SLC6A2: variants seen among roughly 807,000 people sequenced by gnomAD.
The protein encoded by SLC6A2 is sodium-dependent noradrenaline transporter.
SLC6A2 carries 26 observed loss-of-function variants against 71.7 expected under a neutral mutation model. The ratio of observed to expected loss-of-function variants is 0.36; its 90% CI spans 0.27 to 0.50. The LOEUF (loss-of-function observed/expected upper bound fraction) is 0.50, where lower values mean the gene tolerates loss of function less well. SLC6A2 is among the 20% of genes least tolerant of loss of function. The pLI is 0.96. For synonymous variants in SLC6A2, 363 were observed against 337.9 expected, an observed-to-expected ratio of 1.07 and a Z score of -0.82; for missense variants, 581 against 803.9, an observed-to-expected ratio of 0.72 and a Z score of 3.35.
chr16:55,673,175 T>C (rs1024534075), intron 4 of SLC6A2, among the ~76,000 whole-genome samples: 4 of 152,250 alleles, frequency 2.6e-5, no homozygotes, highest in African/African-American at 9.6e-5. Flanking sequence ...GAAATATTGA[T>C]TTGAGTTTGT....
chr16:55,701,758 C>T, intron 13 of SLC6A2, 105 bp from the exon 14 acceptor site: 1 of 822,094 alleles, frequency 1.2e-6, no homozygotes, highest in South Asian at 1.3e-5. Flanking sequence ...CCATGTGGGG[C>T]TGCAGGATCA....
chr16:55,687,901 G>A (rs1274287457), intron 5 of SLC6A2, among the ~76,000 whole-genome samples: 3 of 152,334 alleles, frequency 2.0e-5, no homozygotes, highest in African/African-American at 4.8e-5. Flanking sequence ...TACACCTTCA[G>A]AGAAGGTAAT....
chr16:55,693,620 A>G (rs1163981239), intron 6 of SLC6A2, among the ~76,000 whole-genome samples: 1 of 152,228 alleles, frequency 6.6e-6, no homozygotes, highest in African/African-American at 2.4e-5. Context: ...CCTCCTAGGA[A>G]TGGTCCTCGC....
chr16:55,692,145 A>G, intron 6 of SLC6A2, 93 bp downstream of exon 6: 1 of 1,407,188 alleles, frequency 7.1e-7, no homozygotes, highest in Non-Finnish European at 1.0e-6. Context: ...CAGCTCTGCC[A>G]CAAATGTGCA....
chr16:55,678,518 G>A (rs1402800764), intron 4 of SLC6A2, among the ~76,000 whole-genome samples: 1 of 152,112 alleles, frequency 6.6e-6, no homozygotes, highest in South Asian at 2.1e-4. Context: ...TATCATTCAA[G>A]GGAACAAAAC....
chr16:55,675,679 T>C (rs1965063965), intron 4 of SLC6A2, among the ~76,000 whole-genome samples: 1 of 152,178 alleles, frequency 6.6e-6, no homozygotes, highest in Non-Finnish European at 1.5e-5. Flanking sequence ...GTGGCTAGTG[T>C]GACTGATGAG....
chr16:55,692,118 G>A (rs2142585521), intron 6 of SLC6A2, 66 bp downstream of exon 6: 1 of 1,585,070 alleles, frequency 6.3e-7, no homozygotes, highest in East Asian at 2.2e-5. Context: ...AGAAGGTGAT[G>A]ATGGAAAATC....
intron 4 of SLC6A2, among the ~76,000 whole-genome samples, chr16:55,679,830 C>A (rs1206037986): frequency 6.6e-6 from 1 of 152,168 alleles, no homozygotes; most frequent in Admixed American, 6.5e-5. Flanking sequence ...ACGGGATGGA[C>A]TGTGGAAGGC....
At position 55,692,067 on chromosome 16, in the gene SLC6A2, A is replaced by G; in HGVS notation, c.918+15A>G. 1 of 1,614,050 alleles carries G rather than the reference A, an allele frequency of 6.2e-7. No individual in the cohort carries two copies. The highest frequency in any genetic ancestry group is 8.5e-7 in the Non-Finnish European group (1 of 1,179,970). On this transcript the variant is annotated intron_variant, in intron 6 of 14. Coordinates refer to ENST00000568943, the MANE Select transcript of SLC6A2 (RefSeq NM_001172501.3). Reference sequence around the variant, plus strand: ...AAGAGGCCACGGTCAGTGCTCAGTGACCACCAAGCCTTGGGCCAGGCTTGT... The same window carrying G: ...AAGAGGCCACGGTCAGTGCTCAGTGGCCACCAAGCCTTGGGCCAGGCTTGT...
intron 4 of SLC6A2, among the ~76,000 whole-genome samples, chr16:55,678,423 G>A (rs9940208): frequency 0.01 from 1,558 of 152,154 alleles, 24 homozygotes; most frequent in African/African-American, 0.036. Flanking sequence ...CAACCCTGAG[G>A]AAATAGAAAA....
chr16:55,658,793 G>A (rs924593185), intron 2 of SLC6A2, among the ~76,000 whole-genome samples: 2 of 152,160 alleles, frequency 1.3e-5, no homozygotes, highest in Admixed American at 6.5e-5. Context: ...GACTCTGCGG[G>A]CTCAATGTTT....
intron 4 of SLC6A2, among the ~76,000 whole-genome samples, chr16:55,680,798 G>A (rs943648235): frequency 3.9e-5 from 6 of 152,190 alleles, no homozygotes; most frequent in Admixed American, 3.9e-4. Context: ...CCAAGAGACA[G>A]GATTAGCGGG....
intron 4 of SLC6A2, among the ~76,000 whole-genome samples, chr16:55,679,393 A>G (rs1381095782): frequency 6.6e-6 from 1 of 151,734 alleles, no homozygotes; most frequent in East Asian, 1.9e-4. Context: ...CACCCAGCTA[A>G]TTTTTGTATT....
chr16:55,697,650 G>A (rs774667740), intron 9 of SLC6A2, among the ~76,000 whole-genome samples: 28 of 152,320 alleles, frequency 1.8e-4, no homozygotes, highest in South Asian at 2.1e-4. Context: ...TAGCTGTTGC[G>A]TAGGGGAGAC....
chr16:55,679,490 A>T (rs986126203), intron 4 of SLC6A2, among the ~76,000 whole-genome samples: 1 of 152,192 alleles, frequency 6.6e-6, no homozygotes, highest in African/African-American at 2.4e-5. Context: ...GCCTCCCAAC[A>T]TGCTGGGATT....
intron 4 of SLC6A2, among the ~76,000 whole-genome samples, chr16:55,678,940 T>C (rs149380979): frequency 4.1e-4 from 63 of 152,314 alleles, no homozygotes; most frequent in African/African-American, 1.5e-3. Context: ...TTTTCACTGA[T>C]GAAATACCTA....
chr16:55,672,053 C>T lies in SLC6A2; in HGVS notation c.522C>T (p.Thr174=), dbSNP rs1596966530. The T allele has an allele frequency of 2.5e-6, 4 of 1,614,044 alleles. No homozygotes were observed. Among genetic ancestry groups the T allele is most frequent in the East Asian group, 4.5e-5 (2 of 44,890 alleles). The part of the protein sequence containing the change: ...FSSFTLNLPW[T]DCGHTWNSPN... ...CCTTCACCCTCAACCTGCCCTGGAC[C>T]GACTGTGGCCACACCTGGAACAGCC... is the stretch of plus-strand genomic sequence containing the variant. The change falls in exon 4 of 15, where the codon ACC becomes ACT. Residue 174 remains threonine, a synonymous_variant. Transcript: ENST00000568943.
At position 55,685,286 on chromosome 16, in the gene SLC6A2, T is replaced by C. The variant is rs1325424297; in HGVS notation, c.783+5T>C. On this transcript the variant is annotated splice_donor_5th_base_variant and intron_variant, in intron 5 of 14. Coordinates refer to ENST00000568943, the MANE Select transcript of SLC6A2 (RefSeq NM_001172501.3). The stretch of plus-strand genomic sequence containing the variant: ...GGGGTGAAGACATCAGGAAAGGTAA[T>C]ATCTCTGTGTTTCTCTTTCACTTAC... 1 of 1,613,718 alleles carries C rather than the reference T, an allele frequency of 6.2e-7. No individual in the cohort carries two copies. Among genetic ancestry groups the C allele is most frequent in the Non-Finnish European group, 8.5e-7 (1 of 1,179,624 alleles).
intron 5 of SLC6A2, 142 bp from the exon 6 acceptor site, chr16:55,691,776 T>C (rs1239163364): frequency 9.4e-6 from 9 of 956,780 alleles, no homozygotes; most frequent in African/African-American, 1.6e-5. Flanking sequence ...TGCCTAGAGC[T>C]GGAACTTGTA....
Sources: allele counts gnomAD v4.1 joint callset (sites outside exome capture counted in the v4.1 genomes callset), GRCh38; gene constraint gnomAD v4.1.1; transcripts MANE v1.5; gene names NCBI Gene and HGNC (gene_info 2026-07-23, HGNC 2026-07-21).